MGST2: variants seen among roughly 807,000 people sequenced by gnomAD.
MGST2 encodes microsomal glutathione S-transferase 2.
A neutral mutation model predicts 16.6 loss-of-function variants in MGST2; 9 were observed. That is an observed-to-expected ratio of 0.54 (90% CI 0.33 to 0.95). The LOEUF (loss-of-function observed/expected upper bound fraction) is 0.95. Among genes scored for constraint, MGST2 ranks in the 40% least tolerant of loss-of-function variants. The pLI, the probability that MGST2 is intolerant of heterozygous loss-of-function variation, is 0.03. For synonymous variants in MGST2, 79 were observed against 68.0 expected, an observed-to-expected ratio of 1.16 and a Z score of -0.79; for missense variants, 159 against 175.1, an observed-to-expected ratio of 0.91 and a Z score of 0.52.
downstream of MGST2, among the ~76,000 whole-genome samples, chr4:139,742,234 C>T (rs543476748): frequency 3.9e-5 from 6 of 151,952 alleles, no homozygotes; most frequent in Non-Finnish European, 7.4e-5. Context: ...CTGCAACCTC[C>T]GCCTCCCGGG....
intron 1 of MGST2, among the ~76,000 whole-genome samples, chr4:139,675,630 A>G (rs2110809492): frequency 6.6e-6 from 1 of 152,380 alleles, no homozygotes; most frequent in Admixed American, 6.5e-5. Context: ...TTTACCGACA[A>G]CAATATAGGT....
Position 139,715,604 on chromosome 4 carries a change from T to A in MGST2, c.*48+11408T>A, listed in dbSNP as rs1226651230. ...GCCCCGAGGGCTGCTGGTTGTCCAT[T>A]TTTATGGTTATCTCTTGATGATATG... On this transcript the variant is annotated intron_variant, in intron 5 of 5. Coordinates refer to the MGST2 transcript ENST00000616265. The surrounding 1 kb of genome is among the most constrained non-coding windows in gnomAD (Gnocchi z 4.4). Among the ~76,000 whole-genome samples, 1 of 152,166 alleles carries A rather than the reference T, an allele frequency of 6.6e-6. No homozygotes were observed. Among genetic ancestry groups the A allele is most frequent in the Non-Finnish European group, 1.5e-5 (1 of 68,034 alleles).
intron 3 of MGST2, among the ~76,000 whole-genome samples, chr4:139,699,393 T>C (rs1450362663): frequency 6.6e-6 from 1 of 152,246 alleles, no homozygotes; most frequent in Non-Finnish European, 1.5e-5. Context: ...TATATAGTCT[T>C]TCTGCTGAAG....
At chr4:139,674,065 A>G (rs189351274) in intron 1 of MGST2, among the ~76,000 whole-genome samples, 1 of 152,190 alleles carries the variant, frequency 6.6e-6, no homozygotes, top group Non-Finnish European at 1.5e-5. Context: ...AGAAAGAAAT[A>G]TTAAGGTTCT....
intron 2 of MGST2, among the ~76,000 whole-genome samples, chr4:139,684,678 C>T (rs540678136): frequency 5.3e-5 from 8 of 152,286 alleles, no homozygotes; most frequent in East Asian, 1.9e-4. Flanking sequence ...CTCTTTAAAC[C>T]TCCTTCAGGG....
At chr4:139,730,559 G>A (rs767947643) in intron 5 of MGST2, 2 of 1,591,248 alleles carry the variant, frequency 1.3e-6, no homozygotes, top group Admixed American at 1.8e-5. Flanking sequence ...TGGCTGCCCA[G>A]GAAGCCGGGG....
intron 3 of MGST2, among the ~76,000 whole-genome samples, chr4:139,701,474 C>G (rs1028895262): frequency 1.3e-5 from 2 of 152,146 alleles, no homozygotes; most frequent in African/African-American, 4.8e-5. Context: ...TTCCTATACC[C>G]CATTTTGGCA....
intron 1 of MGST2, among the ~76,000 whole-genome samples, 171 bp downstream of exon 1, chr4:139,666,248 A>T (rs933367897): frequency 6.6e-6 from 1 of 151,998 alleles, no homozygotes; most frequent in South Asian, 2.1e-4. Flanking sequence ...AGGGTCACCC[A>T]TGCCGCCTGC....
At chr4:139,686,935 G>A (rs540520255) in intron 2 of MGST2, among the ~76,000 whole-genome samples, 2 of 152,244 alleles carry the variant, frequency 1.3e-5, no homozygotes, top group East Asian at 1.9e-4. Flanking sequence ...CCACTTCTTG[G>A]TTCTATTTTT....
At chr4:139,669,439 G>T (rs192332847) in intron 1 of MGST2, among the ~76,000 whole-genome samples, 3 of 152,322 alleles carry the variant, frequency 2.0e-5, no homozygotes, top group South Asian at 4.1e-4. Flanking sequence ...CTTCCCAGCT[G>T]GGTGTCCCCG....
At chr4:139,691,678 TG>T (rs1726593285) in intron 2 of MGST2, among the ~76,000 whole-genome samples, 2 of 142,762 alleles carry the variant, frequency 1.4e-5, no homozygotes, top group African/African-American at 2.9e-5. Flanking sequence ...ATGATGATGA[TG>T]ATGATGATGA....
intron 1 of MGST2, 145 bp downstream of exon 1, chr4:139,666,222 A>G: frequency 1.2e-6 from 1 of 829,150 alleles, no homozygotes; most frequent in South Asian, 1.4e-5. Context: ...CTGGGTCCTC[A>G]GAGCACAGTC....
chr4:139,670,969 C>A (rs190360493), intron 1 of MGST2, among the ~76,000 whole-genome samples: 1 of 151,762 alleles, frequency 6.6e-6, no homozygotes, highest in Non-Finnish European at 1.5e-5. Flanking sequence ...GGAAAGTAAG[C>A]CACATACTGG....
At chr4:139,671,628 C>T in intron 1 of MGST2, among the ~76,000 whole-genome samples, 1 of 151,570 alleles carries the variant, frequency 6.6e-6, no homozygotes, top group Non-Finnish European at 1.5e-5. Context: ...CCATGCCCGG[C>T]TAATTTTTGT....
Position 139,716,576 on chromosome 4 carries a change from T to C in MGST2, c.*48+12380T>C, listed in dbSNP as rs577908367. Among the ~76,000 whole-genome samples the C allele has an allele frequency of 6.2e-4, 90 of 144,750 alleles. 1 individual carries two copies. In the South Asian group the frequency reaches 0.019, roughly 31 times the overall value. 95.0% of individuals were successfully genotyped at this position (144,750 alleles called of 152,430 possible). On this transcript the variant is annotated intron_variant, in intron 5 of 5. Coordinates refer to the MGST2 transcript ENST00000616265. ...CAGTAAATTCAGAAAGTATCATCAG[T>C]TGTGCAGTTGAATGCAAAGGCTGGG...
At chr4:139,669,538 G>C (rs534813209) in intron 1 of MGST2, among the ~76,000 whole-genome samples, 1 of 152,202 alleles carries the variant, frequency 6.6e-6, no homozygotes, top group Non-Finnish European at 1.5e-5. Flanking sequence ...CTGGCCCCAT[G>C]TAGGCGCTCA....
chr4:139,734,182 G>A (rs888078503), intron 5 of MGST2, among the ~76,000 whole-genome samples: 6 of 152,170 alleles, frequency 3.9e-5, no homozygotes, highest in African/African-American at 1.4e-4. Flanking sequence ...ATAATACATG[G>A]CTTCTTTTAA....
At chr4:139,705,360 A>G (rs1433391559), downstream of MGST2, among the ~76,000 whole-genome samples, 1 of 152,210 alleles carries the variant, frequency 6.6e-6, no homozygotes, top group East Asian at 1.9e-4. Context: ...GGGCATGTCC[A>G]GTTATCTCTT....
In MGST2 at chr4:139,665,876, A is replaced by G. The variant is rs1730303553; in HGVS notation, c.-144A>G. ...CCTGCCTTCCTGACTTCTGTTCCAG[A>G]GCAAAGGTCATTCAGCCGCTTGAAT... On this transcript the variant is annotated 5_prime_UTR_variant, in exon 1 of 5. Coordinates refer to ENST00000265498, the MANE Select transcript of MGST2 (RefSeq NM_002413.5). 2 of 794,688 alleles carry G rather than the reference A, an allele frequency of 2.5e-6. No individual in the cohort carries two copies. The highest frequency in any genetic ancestry group is 4.3e-6 in the Non-Finnish European group (2 of 461,660). 49.2% of individuals were successfully genotyped at this position (794,688 alleles called of 1,614,324 possible). A position where few individuals can be genotyped will look rare whatever the true frequency, so the allele number is the denominator to read the frequency against.
Sources: gnomAD v4.1 joint callset for allele counts (sites outside exome capture counted in the v4.1 genomes callset) on GRCh38, gnomAD v4.1.1 for gene constraint, Gnocchi (gnomAD v3.1) non-coding constraint, MANE v1.5 for transcripts, NCBI Gene and HGNC (gene_info 2026-07-23, HGNC 2026-07-21) for gene names.